MBD5: variants seen among roughly 807,000 people sequenced by gnomAD.
The protein encoded by MBD5 is methyl-CpG-binding domain protein 5.
MBD5 carries 13 observed loss-of-function variants against 117.3 expected under a neutral mutation model. The observed-to-expected ratio is 0.11, with a 90% confidence interval of 0.07 to 0.18. MBD5 has a LOEUF of 0.18. MBD5 is among the 10% of genes least tolerant of loss of function. The pLI is 1.00. For synonymous variants in MBD5, 727 were observed against 766.4 expected (o/e 0.95, Z 0.85); for missense variants, 1,879 against 2,093.8 (o/e 0.90, Z 2.00).
At chr2:148,412,694 CA>C (rs1025413029) in intron 4 of MBD5, among the ~76,000 whole-genome samples, 1 of 151,868 alleles carries the variant, frequency 6.6e-6, no homozygotes, top group Non-Finnish European at 1.5e-5. Context: ...GCTGTATTCC[CA>C]GGTATTTTAT....
At chr2:148,449,123 G>C (rs1477535259) in intron 4 of MBD5, among the ~76,000 whole-genome samples, 1 of 152,038 alleles carries the variant, frequency 6.6e-6, no homozygotes, top group Admixed American at 6.6e-5. Flanking sequence ...TACATTTCTT[G>C]AGTACATTCC....
chr2:148,378,426 C>A (rs560672912), intron 4 of MBD5, among the ~76,000 whole-genome samples: 1 of 152,030 alleles, frequency 6.6e-6, no homozygotes, highest in East Asian at 1.9e-4. Context: ...TTAAGCATTT[C>A]TTTTACTGCC....
chr2:148,294,511 T>TTTTGTTTTTTTTTTTTTGTTTTTTTTG (rs1559009568), intron 3 of MBD5, among the ~76,000 whole-genome samples: 1 of 142,020 alleles, frequency 7.0e-6, no homozygotes, highest in East Asian at 2.0e-4. Context: ...GTTTTTTTTT[T>TTTTGTTTTTTTTTTTTTGTTTTTTTTG]TTTTTTTTTT....
At chr2:148,143,062 C>A (rs1162965368) in intron 1 of MBD5, among the ~76,000 whole-genome samples, 2 of 152,082 alleles carry the variant, frequency 1.3e-5, no homozygotes, top group African/African-American at 4.8e-5. Context: ...AGAGCTAAGT[C>A]TTTATATATG....
intron 3 of MBD5, among the ~76,000 whole-genome samples, chr2:148,240,612 CTCTT>C (rs1700197373): frequency 6.6e-6 from 1 of 152,152 alleles, no homozygotes; most frequent in African/African-American, 2.4e-5. Flanking sequence ...CTAGTGAAGA[CTCTT>C]TCTAATCATT....
intron 2 of MBD5, among the ~76,000 whole-genome samples, chr2:148,213,697 A>G (rs564918137): frequency 6.6e-6 from 1 of 152,338 alleles, no homozygotes; most frequent in East Asian, 1.9e-4. Context: ...ATTTCTTTTA[A>G]CACAGACTTT....
At chr2:148,237,292 C>T (rs756196732) in intron 3 of MBD5, among the ~76,000 whole-genome samples, 7 of 152,174 alleles carry the variant, frequency 4.6e-5, no homozygotes, top group Non-Finnish European at 8.8e-5. Flanking sequence ...GCGCAAGATG[C>T]CTGGCTTTCA....
chr2:148,218,063 C>T (rs995857849), intron 2 of MBD5, among the ~76,000 whole-genome samples: 24 of 152,124 alleles, frequency 1.6e-4, no homozygotes, highest in South Asian at 6.2e-4. Flanking sequence ...CACTCACTAG[C>T]GTATTAATAC....
intron 4 of MBD5, among the ~76,000 whole-genome samples, chr2:148,416,667 C>T (rs1046887215): frequency 3.9e-5 from 6 of 152,026 alleles, no homozygotes; most frequent in Non-Finnish European, 8.8e-5. Flanking sequence ...GTTTTTGTTA[C>T]ATGGATGAAT....
chr2:148,099,207 A>T (rs1276645855), intron 1 of MBD5, among the ~76,000 whole-genome samples: 1 of 152,222 alleles, frequency 6.6e-6, no homozygotes, highest in African/African-American at 2.4e-5. Flanking sequence ...CTAATGAGTA[A>T]TGAACTTACT....
At chr2:148,457,916 T>C (rs1033565352) in intron 4 of MBD5, among the ~76,000 whole-genome samples, 7 of 152,120 alleles carry the variant, frequency 4.6e-5, no homozygotes, top group African/African-American at 1.4e-4. Context: ...GGAGGCCTTA[T>C]GTGTACGTTT....
chr2:148,477,001 A>AT (rs144734444), intron 8 of MBD5, among the ~76,000 whole-genome samples: 4,375 of 150,826 alleles, frequency 0.029, 213 homozygotes, highest in African/African-American at 0.1. Flanking sequence ...TCAAAGAGGA[A>AT]TTTTTTAAAA....
intron 4 of MBD5, among the ~76,000 whole-genome samples, chr2:148,386,436 C>T (rs1473094752): frequency 2.0e-5 from 3 of 151,936 alleles, no homozygotes; most frequent in Admixed American, 6.6e-5. Context: ...TACTTTATGC[C>T]GGCCGGGCGC....
intron 1 of MBD5, among the ~76,000 whole-genome samples, chr2:148,104,980 G>A (rs1696330337): frequency 6.6e-6 from 1 of 151,990 alleles, no homozygotes; most frequent in Non-Finnish European, 1.5e-5. Flanking sequence ...AAATTGTACA[G>A]CTAGTCTTGG....
chr2:148,422,192 G>C (rs1705630420), intron 4 of MBD5, among the ~76,000 whole-genome samples: 1 of 152,146 alleles, frequency 6.6e-6, no homozygotes, highest in Admixed American at 6.5e-5. Context: ...GCTCTGGCAG[G>C]CATCTGACAG....
chr2:148,395,531 TCTC>T (rs1467920744), intron 4 of MBD5, among the ~76,000 whole-genome samples: 1 of 151,332 alleles, frequency 6.6e-6, no homozygotes. Context: ...CTCAAGCAAT[TCTC>T]CTGCTTCAGC....
intron 2 of MBD5, among the ~76,000 whole-genome samples, chr2:148,185,290 CG>C (rs1284099200): frequency 6.6e-6 from 1 of 152,128 alleles, no homozygotes. Flanking sequence ...TGGGAGTTTT[CG>C]GGTTTTCTTA....
chr2:148,289,278 A>T (rs905950927), intron 3 of MBD5, among the ~76,000 whole-genome samples: 6 of 152,222 alleles, frequency 3.9e-5, no homozygotes, highest in Non-Finnish European at 8.8e-5. Flanking sequence ...GCAAATATTA[A>T]CAATTTCTCC....
intron 3 of MBD5, among the ~76,000 whole-genome samples, chr2:148,327,019 T>A (rs1351563716): frequency 6.6e-6 from 1 of 152,014 alleles, no homozygotes; most frequent in Non-Finnish European, 1.5e-5. Context: ...GGAGCTCTTT[T>A]AGGGAAGGCC....
Sources: allele counts gnomAD v4.1 joint callset (sites outside exome capture counted in the v4.1 genomes callset), GRCh38; gene constraint gnomAD v4.1.1; transcripts MANE v1.5; gene names NCBI Gene and HGNC (gene_info 2026-07-23, HGNC 2026-07-21).